TEX2: variants seen among roughly 807,000 people sequenced by gnomAD.
TEX2 encodes the protein testis expressed 2.
TEX2 carries 53 observed loss-of-function variants against 106.9 expected under a neutral mutation model. The ratio of observed to expected loss-of-function variants is 0.50; its 90% CI spans 0.40 to 0.62. The LOEUF is 0.62. Among genes scored for constraint, TEX2 ranks in the 20% least tolerant of loss-of-function variants. The pLI, the probability that TEX2 is intolerant of heterozygous loss-of-function variation, is 0.00. For synonymous variants in TEX2, 523 were observed against 534.8 expected, an observed-to-expected ratio of 0.98 and a Z score of 0.30; for missense variants, 1,207 against 1,379.0, an observed-to-expected ratio of 0.88 and a Z score of 1.98.
At chr17:64,150,020 A>G (rs1187280520) in intron 11 of TEX2, 1 of 152,100 alleles carries the variant, frequency 6.6e-6, no homozygotes, top group Non-Finnish European at 1.5e-5. Context: ...TGATGACATT[A>G]AGCTTTTTCA....
rs1555630656 is a variant in TEX2, at chr17:64,205,607, G to A, written c.1644+6967C>T. On this transcript the variant is annotated intron_variant, in intron 2 of 11. Coordinates refer to ENST00000584379, the MANE Select transcript of TEX2 (RefSeq NM_001288732.2). This position sits in a 1 kb window ranked among gnomAD's most constrained non-coding sequence, Gnocchi z 4.0. Reference sequence around the variant, plus strand: ...TCTTGAAAGAATTTCAACAAATTGAGATTAAATTTACAAATTGGAATTTCT... The same window carrying A: ...TCTTGAAAGAATTTCAACAAATTGAAATTAAATTTACAAATTGGAATTTCT... Among the ~76,000 whole-genome samples the A allele has an allele frequency of 6.6e-6, 1 of 152,070 alleles. No individual in the cohort carries two copies. The highest frequency in any genetic ancestry group is 1.5e-5 in the Non-Finnish European group (1 of 68,026).
intron 1 of TEX2, among the ~76,000 whole-genome samples, chr17:64,256,597 A>T (rs959541370): frequency 7.2e-5 from 11 of 152,024 alleles, no homozygotes; most frequent in African/African-American, 2.4e-4. Context: ...CTTTTCCTTC[A>T]GAGGAAGGAG....
rs1037377697 is a variant in TEX2, at chr17:64,203,636, G to A, written c.1645-8541C>T. ...GAGATACAAATTTGATTTTACCCAT[G>A]AAAGGCAAGCAGACCCACAGACATC... On this transcript the variant is annotated intron_variant, in intron 2 of 11. Transcript: ENST00000584379. Among the ~76,000 whole-genome samples, 17 of 152,218 alleles carry A rather than the reference G, an allele frequency of 1.1e-4. 1 individual carries two copies. Among genetic ancestry groups the A allele is most frequent in the Admixed American group, 9.2e-4 (14 of 15,292 alleles).
At position 64,261,103 on chromosome 17, in the gene TEX2, G is replaced by A. The variant is rs77602210; in HGVS notation, c.-26+2065C>T. On this transcript the variant is annotated intron_variant, in intron 1 of 11. Coordinates refer to ENST00000584379, the MANE Select transcript of TEX2 (RefSeq NM_001288732.2). ...GTTCTCATATTAAGTAATAAACTGTGCAGTTCTCCCCTCTCTTTCCTCAAG... is the reference window on the plus strand; with the variant it reads ...GTTCTCATATTAAGTAATAAACTGTACAGTTCTCCCCTCTCTTTCCTCAAG... 6.2e-3 allele frequency among the ~76,000 whole-genome samples: 946 copies of A among 152,238 alleles called. 9 individuals are homozygous for A. The highest frequency in any genetic ancestry group is 0.022 in the African/African-American group (907 of 41,530).
chr17:64,258,126 G>A (rs376396241), intron 1 of TEX2, among the ~76,000 whole-genome samples: 10 of 152,148 alleles, frequency 6.6e-5, no homozygotes, highest in African/African-American at 2.4e-4. Flanking sequence ...TGCCCAGGCT[G>A]GTCTGGAACT....
At chr17:64,223,905 C>T (rs556511314) in intron 1 of TEX2, among the ~76,000 whole-genome samples, 7 of 152,106 alleles carry the variant, frequency 4.6e-5, no homozygotes, top group South Asian at 4.1e-4. Context: ...TTAGTAGAGA[C>T]GGGGTTTTAC....
At chr17:64,197,530 A>T (rs953292664) in intron 2 of TEX2, among the ~76,000 whole-genome samples, 1 of 152,066 alleles carries the variant, frequency 6.6e-6, no homozygotes, top group Non-Finnish European at 1.5e-5. Context: ...GTATGTATGT[A>T]TGCACATATA....
chr17:64,163,456 C>G (rs2030979621), intron 7 of TEX2, among the ~76,000 whole-genome samples: 2 of 152,100 alleles, frequency 1.3e-5, no homozygotes. Context: ...GGTTTAAGAA[C>G]TTTTAAAAGC....
chr17:64,149,063 T>A lies in TEX2; in HGVS notation c.3290A>T (p.Asp1097Val). 1 of 1,614,074 alleles carries A rather than the reference T, an allele frequency of 6.2e-7. No homozygotes were observed. Among genetic ancestry groups the A allele is most frequent in the Admixed American group, 1.7e-5 (1 of 60,004 alleles). Residue 1097 changes from aspartate (D) to valine (V), a missense_variant, in exon 12 of 12, where the codon GAT becomes GTT. Physicochemically the swap from Asp to Val is radical, Grantham distance 152. Coordinates refer to ENST00000584379, the MANE Select transcript of TEX2 (RefSeq NM_001288732.2). ...TGAGTGCATTATAGTGATATAAACA[T>A]CATCCATGTTTGGCATGACAAAAAC... ...QKVFVMPNMD[D>V]VYITIMHSAM...
intron 2 of TEX2, among the ~76,000 whole-genome samples, chr17:64,198,711 TCA>T (rs1228508723): frequency 8.6e-5 from 12 of 139,036 alleles, no homozygotes; most frequent in Admixed American, 5.6e-4. Context: ...ATTATGATAA[TCA>T]CAATTTGATA....
chr17:64,148,047 C>T lies in TEX2; in HGVS notation c.*922G>A, dbSNP rs572638034. On this transcript the variant is annotated 3_prime_UTR_variant, in exon 12 of 12. Transcript: ENST00000584379. The stretch of plus-strand genomic sequence containing the variant: ...GAAATAATTAAAGAGAGCAGTTCTC[C>T]GTTTTGGCCTTCAGGAAGGGAAATC... 2.6e-5 allele frequency: 4 copies of T among 152,534 alleles called. No homozygotes were observed. The highest frequency in any genetic ancestry group is 7.2e-5 in the African/African-American group (3 of 41,508). The allele number at this position is 152,534 out of a possible 1,614,324, so 9.4% of individuals were successfully genotyped here. A position where few individuals can be genotyped will look rare whatever the true frequency, so the allele number is the denominator to read the frequency against.
intron 1 of TEX2, among the ~76,000 whole-genome samples, chr17:64,262,855 C>A (rs1038134705): frequency 1.1e-4 from 17 of 152,218 alleles, no homozygotes; most frequent in Non-Finnish European, 2.1e-4. Context: ...CTAGTTTGCG[C>A]GTGACGGTGC....
At chr17:64,227,042 A>G (rs2033523792) in intron 1 of TEX2, among the ~76,000 whole-genome samples, 1 of 151,912 alleles carries the variant, frequency 6.6e-6, no homozygotes, top group Non-Finnish European at 1.5e-5. Flanking sequence ...CTGGGCCAAC[A>G]TGGTGAAACC....
chr17:64,170,752 C>T (rs2031351748), intron 7 of TEX2, among the ~76,000 whole-genome samples: 1 of 150,988 alleles, frequency 6.6e-6, no homozygotes, highest in South Asian at 2.1e-4. Flanking sequence ...CCTGCCTCAG[C>T]CTCCTGAGTA....
intron 1 of TEX2, among the ~76,000 whole-genome samples, chr17:64,248,366 A>G (rs2143459817): frequency 6.6e-6 from 1 of 152,322 alleles, no homozygotes; most frequent in African/African-American, 2.4e-5. Flanking sequence ...GATTCTTCAA[A>G]GACCTTCCCT....
At position 64,148,874 on chromosome 17, in the gene TEX2, G is replaced by C; in HGVS notation, c.*95C>G. ...AGCAGTCCTTTAAGAAACAGTAGCT[G>C]TGGCACAGAGGCCAGTGCTACAGTA... On this transcript the variant is annotated 3_prime_UTR_variant, in exon 12 of 12. Transcript: ENST00000584379. 4 of 1,486,294 alleles carry C rather than the reference G, an allele frequency of 2.7e-6. No individual in the cohort carries two copies. The highest frequency in any genetic ancestry group is 1.4e-5 in the African/African-American group (1 of 71,594). The allele number at this position is 1,486,294 out of a possible 1,614,324, so 92.1% of individuals were successfully genotyped here.
At position 64,154,834 on chromosome 17, in the gene TEX2, C is replaced by G. The variant is rs75227073; in HGVS notation, c.2930+8G>C. On this transcript the variant is annotated splice_region_variant and intron_variant, in intron 9 of 11. Coordinates refer to ENST00000584379, the MANE Select transcript of TEX2 (RefSeq NM_001288732.2). Reference sequence around the variant, plus strand: ...GACTCAGAGGCACAGAAGCACTGATCCACTCACCCTTCAGCCCCTGGGAGG... The same window carrying G: ...GACTCAGAGGCACAGAAGCACTGATGCACTCACCCTTCAGCCCCTGGGAGG... The G allele has an allele frequency of 3.2e-4, 515 of 1,588,536 alleles. 1 individual carries two copies. In the East Asian group the frequency reaches 9.1e-3, roughly 28 times the overall value.
intron 7 of TEX2, among the ~76,000 whole-genome samples, chr17:64,168,252 C>T (rs145210825): frequency 7.9e-4 from 121 of 152,236 alleles, no homozygotes; most frequent in Middle Eastern, 3.4e-3. Context: ...ATTTCTTTCA[C>T]GGTCATTTCT....
At chr17:64,229,132 A>C (rs1475741981) in intron 1 of TEX2, among the ~76,000 whole-genome samples, 5 of 152,202 alleles carry the variant, frequency 3.3e-5, no homozygotes, top group Admixed American at 6.5e-5. Flanking sequence ...TGTAGGATGT[A>C]TTTCTAGAGT....
Sources: allele counts gnomAD v4.1 joint callset (sites outside exome capture counted in the v4.1 genomes callset), GRCh38; gene constraint gnomAD v4.1.1; non-coding constraint Gnocchi (gnomAD v3.1); transcripts MANE v1.5; gene names NCBI Gene and HGNC (gene_info 2026-07-23, HGNC 2026-07-21).